ATF1: variants seen among roughly 807,000 people sequenced by gnomAD.
ATF1 encodes activating transcription factor 1.
Under a neutral mutation model 34.7 loss-of-function variants are expected in ATF1, and 16 were observed. The ratio of observed to expected loss-of-function variants is 0.46; its 90% CI spans 0.31 to 0.70. The LOEUF (loss-of-function observed/expected upper bound fraction) is 0.70, where lower values mean the gene tolerates loss of function less well. ATF1 is among the 30% of genes least tolerant of loss of function. The probability of loss-of-function intolerance (pLI) is 0.05; values close to 1 mark genes in which losing one functional copy is unlikely to be tolerated. For missense variants in ATF1, 255 were observed against 321.6 expected, an observed-to-expected ratio of 0.79 and a Z score of 1.58; for synonymous variants, 105 against 113.1, an observed-to-expected ratio of 0.93 and a Z score of 0.46.
At chr12:50,805,072 A>G (rs112794249) in intron 3 of ATF1, among the ~76,000 whole-genome samples, 1 of 151,944 alleles carries the variant, frequency 6.6e-6, no homozygotes, top group Non-Finnish European at 1.5e-5. Context: ...CGGTCTCCCA[A>G]AGTGCTGGGA....
At chr12:50,809,699 G>T in intron 4 of ATF1, 110 bp downstream of exon 4, 1 of 1,204,846 alleles carries the variant, frequency 8.3e-7, no homozygotes, top group Non-Finnish European at 1.1e-6. Context: ...GATTATTAAA[G>T]GATGTTTTCA....
chr12:50,790,156 A>G (rs1450143853), intron 2 of ATF1, among the ~76,000 whole-genome samples: 1 of 150,158 alleles, frequency 6.7e-6, no homozygotes, highest in Admixed American at 6.6e-5. Flanking sequence ...TCCAAGTGTA[A>G]TGGTAACTCT....
At chr12:50,765,225 TTA>T (rs1441605952) in intron 1 of ATF1, among the ~76,000 whole-genome samples, 3 of 152,206 alleles carry the variant, frequency 2.0e-5, no homozygotes. Flanking sequence ...TCGTAGGCAT[TTA>T]TGTCTCAGAA....
chr12:50,776,064 G>C (rs1940912903), intron 1 of ATF1, among the ~76,000 whole-genome samples: 2 of 152,112 alleles, frequency 1.3e-5, no homozygotes, highest in African/African-American at 4.8e-5. Context: ...TGTAATGCCA[G>C]CACTTTGGGA....
chr12:50,785,462 A>G (rs1941168190), intron 2 of ATF1, among the ~76,000 whole-genome samples: 1 of 152,088 alleles, frequency 6.6e-6, no homozygotes. Context: ...CTGTAATATT[A>G]TCTGTGTTGG....
chr12:50,813,659 T>C (rs1038771404), intron 4 of ATF1, among the ~76,000 whole-genome samples: 2 of 151,840 alleles, frequency 1.3e-5, no homozygotes, highest in Admixed American at 1.3e-4. Context: ...ACTAAAAATA[T>C]AAAAATCAGC....
chr12:50,781,406 C>T (rs1161921430), intron 2 of ATF1, among the ~76,000 whole-genome samples: 1 of 152,018 alleles, frequency 6.6e-6, no homozygotes, highest in Non-Finnish European at 1.5e-5. Context: ...GGATGCAGAA[C>T]CCATGAATAA....
intron 1 of ATF1, among the ~76,000 whole-genome samples, chr12:50,773,416 G>T (rs1462567281): frequency 7.0e-6 from 1 of 142,462 alleles, no homozygotes; most frequent in Non-Finnish European, 1.5e-5. Context: ...TCCAAACCTC[G>T]CCAACTGTTG....
chr12:50,768,063 G>A (rs541417744), intron 1 of ATF1, among the ~76,000 whole-genome samples: 1 of 152,116 alleles, frequency 6.6e-6, no homozygotes, highest in African/African-American at 2.4e-5. Context: ...AGTAGAGATG[G>A]GGTTTCATCA....
intron 3 of ATF1, among the ~76,000 whole-genome samples, chr12:50,808,836 T>C (rs1424180547): frequency 6.6e-6 from 1 of 151,454 alleles, no homozygotes; most frequent in Non-Finnish European, 1.5e-5. Context: ...GCCTCCGGAA[T>C]TCAAGCGATC....
rs1941910758 is a variant in ATF1 at position 50,819,712 on chromosome 12, A to C, written c.749A>C (p.Asn250Thr). Residue 250 changes from asparagine (N) to threonine (T), a missense_variant, in exon 7 of 7, where the codon AAT becomes ACT. Transcript: ENST00000262053. ...CLENRVAVLE[N>T]QNKTLIEELK... ...GAAAACCGAGTTGCAGTCCTGGAAA[A>C]TCAAAATAAAACTCTAATAGAAGAG... 6.2e-7 allele frequency: 1 copy of C among 1,608,818 alleles called. No individual in the cohort carries two copies.
intron 1 of ATF1, among the ~76,000 whole-genome samples, chr12:50,772,559 C>T (rs947288381): frequency 1.3e-5 from 2 of 152,116 alleles, no homozygotes; most frequent in Admixed American, 6.6e-5. Flanking sequence ...CTCCTGACCT[C>T]AAGTGATCCA....
intron 2 of ATF1, among the ~76,000 whole-genome samples, chr12:50,787,237 A>G (rs1941204324): frequency 6.6e-6 from 1 of 152,222 alleles, no homozygotes; most frequent in African/African-American, 2.4e-5. Context: ...AAAGCACACA[A>G]AGAAGCAACT....
chr12:50,780,623 G>A (rs1252718706), intron 2 of ATF1, among the ~76,000 whole-genome samples: 1 of 150,606 alleles, frequency 6.6e-6, no homozygotes, highest in Non-Finnish European at 1.5e-5. Context: ...GGGATTACAG[G>A]TGTGAGCCAC....
chr12:50,809,413 T>A, intron 3 of ATF1, 43 bp from the exon 4 acceptor site: 1 of 1,440,012 alleles, frequency 6.9e-7, no homozygotes, highest in Non-Finnish European at 9.4e-7. Flanking sequence ...TGTGAAGTCA[T>A]TCACATTACC....
At chr12:50,775,106 GT>G (rs994672466) in intron 1 of ATF1, among the ~76,000 whole-genome samples, 52 of 142,098 alleles carry the variant, frequency 3.7e-4, no homozygotes, top group Admixed American at 7.1e-4. Context: ...GTTATCTTTT[GT>G]TTTTTTTTTT....
At chr12:50,816,484 A>G (rs1489827946) in intron 6 of ATF1, among the ~76,000 whole-genome samples, 2 of 152,208 alleles carry the variant, frequency 1.3e-5, no homozygotes, top group Non-Finnish European at 2.9e-5. Flanking sequence ...ACAAAAACCT[A>G]TTAATACTCA....
At chr12:50,797,147 CAT>C (rs1252310161) in intron 3 of ATF1, among the ~76,000 whole-genome samples, 9 of 152,120 alleles carry the variant, frequency 5.9e-5, no homozygotes, top group African/African-American at 2.2e-4. Flanking sequence ...CAGTACACAA[CAT>C]ACATAGATAA....
chr12:50,800,658 G>A (rs1471909497), intron 3 of ATF1, among the ~76,000 whole-genome samples: 2 of 152,146 alleles, frequency 1.3e-5, no homozygotes, highest in African/African-American at 4.8e-5. Flanking sequence ...GATCTAGGTT[G>A]CATGCTCTTC....
Sources: gnomAD v4.1 joint callset for allele counts (sites outside exome capture counted in the v4.1 genomes callset) on GRCh38, gnomAD v4.1.1 for gene constraint, MANE v1.5 for transcripts, NCBI Gene and HGNC (gene_info 2026-07-23, HGNC 2026-07-21) for gene names.